TNFRSF13B: variants seen among roughly 807,000 people sequenced by gnomAD.
TNFRSF13B encodes the protein TNF receptor superfamily member 13B.
In TNFRSF13B, 34 loss-of-function variants were observed where a neutral mutation model predicts 24.0. The observed-to-expected ratio is 1.41, with a 90% CI of 1.08 to 1.88. TNFRSF13B has a LOEUF of 1.88. Among genes scored for constraint, TNFRSF13B ranks in the 40% most tolerant of loss-of-function variants. The pLI, the probability that TNFRSF13B is intolerant of heterozygous loss-of-function variation, is 0.00. For missense variants in TNFRSF13B, 415 were observed against 380.8 expected, an observed-to-expected ratio of 1.09 and a Z score of -0.75; for synonymous variants, 173 against 150.3, an observed-to-expected ratio of 1.15 and a Z score of -1.10.
intron 2 of TNFRSF13B, among the ~76,000 whole-genome samples, chr17:16,951,908 A>T (rs12450542): frequency 0.55 from 83,291 of 151,602 alleles, 23,254 homozygotes; most frequent in Non-Finnish European, 0.58. Flanking sequence ...AAATAAAAAT[A>T]AAAAATAAAA....
intron 1 of TNFRSF13B, among the ~76,000 whole-genome samples, chr17:16,954,287 G>A (rs888508347): frequency 1.3e-5 from 2 of 152,312 alleles, no homozygotes; most frequent in Non-Finnish European, 2.9e-5. Context: ...AGGAGGCTGA[G>A]ACAGGAGGAT....
At position 16,950,009 on chromosome 17, in the gene TNFRSF13B, A is replaced by T. The variant is rs570855489; in HGVS notation, c.200-1026T>A. Among the ~76,000 whole-genome samples the T allele has an allele frequency of 8.7e-4, 132 of 152,292 alleles. 1 individual carries two copies. The highest frequency in any genetic ancestry group is 3.1e-3 in the African/African-American group (127 of 41,568). ...TGGTCTAGCCTCCGAATATTTCTAC[A>T]TGGAAGTTTTTACGTGAAAAAGGCA... On this transcript the variant is annotated intron_variant, in intron 2 of 4. Transcript: ENST00000261652.
chr17:16,964,729 G>A (rs527965123), intron 1 of TNFRSF13B, among the ~76,000 whole-genome samples: 1 of 152,264 alleles, frequency 6.6e-6, no homozygotes, highest in East Asian at 1.9e-4. Context: ...TTGTGAAATG[G>A]GGACAGCCAC....
In TNFRSF13B at chr17:16,939,400, T is replaced by TCTCTCCCTCTCTGTCTCC. The variant is rs1439037883; in HGVS notation, c.*129_*146dup. On this transcript the variant is annotated 3_prime_UTR_variant, in exon 5 of 5. Transcript: ENST00000261652. ...CTCTGTCTCTCTCTCCCTCTGTCTC[T>TCTCTCCCTCTCTGTCTCC]CTCTCCCTCTCTGTCTCCTCTGTTT... 1.6e-5 allele frequency: 15 copies of TCTCTCCCTCTCTGTCTCC among 958,298 alleles called. No homozygotes were observed. The African/African-American group carries it at 2.2e-4, about 14-fold the overall frequency. The allele number at this position is 958,298 out of a possible 1,614,324, so 59.4% of individuals were successfully genotyped here.
intron 3 of TNFRSF13B, 25 bp from the exon 4 acceptor site, chr17:16,940,536 T>C (rs2143642565): frequency 1.9e-6 from 3 of 1,609,468 alleles, no homozygotes; most frequent in Non-Finnish European, 2.5e-6. Context: ...GAGACCCCTC[T>C]CTGCAGTGCC....
At chr17:16,956,366 A>G (rs886869924) in intron 1 of TNFRSF13B, among the ~76,000 whole-genome samples, 4 of 152,214 alleles carry the variant, frequency 2.6e-5, no homozygotes, top group African/African-American at 9.6e-5. Flanking sequence ...ATTACAAAGC[A>G]TACAAAGCAG....
intron 1 of TNFRSF13B, among the ~76,000 whole-genome samples, chr17:16,963,054 A>G (rs533879315): frequency 6.6e-6 from 1 of 152,268 alleles, no homozygotes; most frequent in Admixed American, 6.5e-5. Flanking sequence ...CTGGGCTGTG[A>G]GTCATGGGGC....
chr17:16,965,182 C>T (rs1313856579), intron 1 of TNFRSF13B, among the ~76,000 whole-genome samples: 2 of 152,076 alleles, frequency 1.3e-5, no homozygotes, highest in African/African-American at 2.4e-5. Flanking sequence ...TCATAGCTCA[C>T]TGCAGCCTTG....
intron 4 of TNFRSF13B, 132 bp downstream of exon 4, chr17:16,940,194 G>A (rs1211977481): frequency 6.3e-7 from 1 of 1,585,678 alleles, no homozygotes; most frequent in African/African-American, 1.3e-5. Flanking sequence ...TTTTATCAAG[G>A]TATAGCAAGT....
In TNFRSF13B at chr17:16,939,518, CCCT is replaced by C. The variant is rs2087490998; in HGVS notation, c.*26_*28del. The C allele has an allele frequency of 1.9e-5, 31 of 1,607,390 alleles. No individual in the cohort carries two copies. Among genetic ancestry groups the C allele is most frequent in the Non-Finnish European group, 2.6e-5 (31 of 1,176,432 alleles). On this transcript the variant is annotated 3_prime_UTR_variant, in exon 5 of 5. Coordinates refer to ENST00000261652, the MANE Select transcript of TNFRSF13B (RefSeq NM_012452.3). ...TCTCTCCCCTCCTCTCCATCTCTCT[CCCT>C]CCTCCTTTCCCTCCCTGACCCCCAT... is the stretch of plus-strand genomic sequence containing the variant.
chr17:16,948,883 A>G lies in TNFRSF13B; in HGVS notation c.300T>C (p.Cys100=), dbSNP rs1300604438. ...TGAGCTTGTTCTCACAGAAGTATGC[A>G]CATTGCTTAGGGTGCTGTCCACAGA... ...ASICGQHPKQ[C]AYFCENKLRS... The change falls in exon 3 of 5, where the codon TGT becomes TGC. Residue 100 remains cysteine (C), a synonymous_variant. Transcript: ENST00000261652. 1.2e-6 allele frequency: 2 copies of G among 1,614,216 alleles called. No individual in the cohort carries two copies. The highest frequency in any genetic ancestry group is 2.7e-5 in the African/African-American group (2 of 75,056).
intron 3 of TNFRSF13B, among the ~76,000 whole-genome samples, chr17:16,944,406 G>C (rs140518207): frequency 3.9e-5 from 6 of 152,114 alleles, no homozygotes; most frequent in African/African-American, 1.2e-4. Flanking sequence ...CTATGAAGGC[G>C]AACAACTCCA....
At chr17:16,971,077 G>A (rs1364228855) in intron 1 of TNFRSF13B, among the ~76,000 whole-genome samples, 1 of 152,174 alleles carries the variant, frequency 6.6e-6, no homozygotes, top group African/African-American at 2.4e-5. Flanking sequence ...GCCGGGTGCC[G>A]TGGCTCATGC....
chr17:16,962,532 A>G (rs1185629767), intron 1 of TNFRSF13B, among the ~76,000 whole-genome samples: 1 of 152,092 alleles, frequency 6.6e-6, no homozygotes, highest in Non-Finnish European at 1.5e-5. Context: ...AGAAAGAAAA[A>G]AAAAAGAAAG....
intron 1 of TNFRSF13B, among the ~76,000 whole-genome samples, chr17:16,963,983 C>T (rs1449233625): frequency 6.6e-6 from 1 of 152,042 alleles, no homozygotes; most frequent in East Asian, 1.9e-4. Flanking sequence ...GATAAGGCTG[C>T]AGCCTGAGAC....
chr17:16,947,752 A>G (rs180767370), intron 3 of TNFRSF13B, among the ~76,000 whole-genome samples: 51 of 152,360 alleles, frequency 3.3e-4, no homozygotes, highest in African/African-American at 1.2e-3. Flanking sequence ...TGTTGGTGGA[A>G]TGTAAATTAG....
chr17:16,939,831 C>T (rs1447139006), intron 4 of TNFRSF13B, 34 bp from the exon 5 acceptor site: 2 of 1,601,176 alleles, frequency 1.2e-6, no homozygotes, highest in South Asian at 1.1e-5. Flanking sequence ...GTGGGCCAGG[C>T]CTGGCCCTGC....
intron 1 of TNFRSF13B, among the ~76,000 whole-genome samples, chr17:16,968,119 C>T (rs1199894058): frequency 1.1e-4 from 13 of 122,558 alleles, no homozygotes; most frequent in South Asian, 2.6e-4. Context: ...CCAGCCTGGG[C>T]GACAAGAGCG....
At chr17:16,957,290 C>A (rs2087631802) in intron 1 of TNFRSF13B, among the ~76,000 whole-genome samples, 1 of 149,410 alleles carries the variant, frequency 6.7e-6, no homozygotes, top group South Asian at 2.1e-4. Flanking sequence ...GCAGAAGAGG[C>A]AATTGGCAAA....
Sources: gnomAD v4.1 joint callset for allele counts (sites outside exome capture counted in the v4.1 genomes callset) on GRCh38, gnomAD v4.1.1 for gene constraint, MANE v1.5 for transcripts, NCBI Gene and HGNC (gene_info 2026-07-23, HGNC 2026-07-21) for gene names.